The following PALMD variants were observed in gnomAD, a reference collection of about 807,000 sequenced individuals.
PALMD encodes the protein paralemmin-like protein.
Under a neutral mutation model 56.2 loss-of-function variants are expected in PALMD, and 42 were observed. That is an observed-to-expected ratio of 0.75 (90% CI 0.58 to 0.97). PALMD has a LOEUF of 0.97. Among genes scored for constraint, PALMD ranks in the 50% least tolerant of loss-of-function variants. The pLI is 0.00. For missense variants in PALMD, 660 were observed against 643.8 expected, an observed-to-expected ratio of 1.03 and a Z score of -0.27; for synonymous variants, 242 against 222.9, an observed-to-expected ratio of 1.09 and a Z score of -0.76.
rs143408211 is a variant in PALMD, at chr1:99,694,481, T to C, written c.*419T>C. On this transcript the variant is annotated 3_prime_UTR_variant, in exon 8 of 8. Transcript: ENST00000263174. ...CACAGAAGTATTCAACTCTGACAAA[T>C]AAATATGTCATCCTGAATTAATAAT... 2.4e-3 allele frequency: 383 copies of C among 156,500 alleles called. 1 individual carries two copies. The highest frequency in any genetic ancestry group is 8.9e-3 in the African/African-American group (369 of 41,594). The allele number at this position is 156,500 out of a possible 1,614,324, so 9.7% of individuals were successfully genotyped here. A position where few individuals can be genotyped will look rare whatever the true frequency, so the allele number is the denominator to read the frequency against.
chr1:99,686,864 GC>G, intron 4 of PALMD, 65 bp from the exon 5 acceptor site: 1 of 1,374,384 alleles, frequency 7.3e-7, no homozygotes, highest in Non-Finnish European at 1.0e-6. Flanking sequence ...ATTTTTCAAA[GC>G]ATATCCACAT....
chr1:99,657,976 C>T (rs1356807545), intron 1 of PALMD, among the ~76,000 whole-genome samples: 1 of 152,180 alleles, frequency 6.6e-6, no homozygotes, highest in African/African-American at 2.4e-5. Context: ...TTACTAATGC[C>T]TTAGCGATAA....
chr1:99,660,496 G>A (rs963414749), intron 1 of PALMD, among the ~76,000 whole-genome samples: 6 of 152,134 alleles, frequency 3.9e-5, no homozygotes, highest in Non-Finnish European at 8.8e-5. Context: ...TGAATTTAAA[G>A]TACAATTAAT....
At chr1:99,652,537 G>C (rs1458564601) in intron 1 of PALMD, among the ~76,000 whole-genome samples, 1 of 151,930 alleles carries the variant, frequency 6.6e-6, no homozygotes, top group East Asian at 1.9e-4. Context: ...CTGGGAGGCA[G>C]AGGTTGCAGT....
chr1:99,672,241 A>G (rs1316568090), intron 3 of PALMD, among the ~76,000 whole-genome samples: 2 of 152,140 alleles, frequency 1.3e-5, no homozygotes, highest in Non-Finnish European at 2.9e-5. Flanking sequence ...CTTTCAAACA[A>G]TATTGTGGAG....
intron 1 of PALMD, among the ~76,000 whole-genome samples, chr1:99,659,660 C>T (rs865917670): frequency 1.3e-5 from 2 of 152,208 alleles, no homozygotes; most frequent in African/African-American, 4.8e-5. Context: ...TTCTGCTATA[C>T]TGAAACTAAG....
intron 7 of PALMD, 135 bp from the exon 8 acceptor site, chr1:99,693,884 C>A: frequency 3.0e-6 from 2 of 656,508 alleles, no homozygotes; most frequent in Admixed American, 5.7e-5. Context: ...TTTTGTGCTA[C>A]TAAATCAATG....
chr1:99,667,313 C>A (rs1254817535), intron 2 of PALMD, among the ~76,000 whole-genome samples: 2 of 152,150 alleles, frequency 1.3e-5, no homozygotes, highest in African/African-American at 4.8e-5. Context: ...CTGTGATAAA[C>A]ACACAGTATG....
At chr1:99,687,002 T>A (rs764584184) in intron 5 of PALMD, 39 bp downstream of exon 5, 1 of 1,532,628 alleles carries the variant, frequency 6.5e-7, no homozygotes, top group East Asian at 2.3e-5. Flanking sequence ...TAAACTAAGT[T>A]TTTTTGGTAA....
At chr1:99,672,869 A>G (rs902764910) in intron 3 of PALMD, among the ~76,000 whole-genome samples, 3 of 152,074 alleles carry the variant, frequency 2.0e-5, no homozygotes, top group African/African-American at 4.8e-5. Flanking sequence ...TTTTTTTTTA[A>G]TACTCCAAAG....
chr1:99,671,520 G>C (rs896845752), intron 3 of PALMD, among the ~76,000 whole-genome samples: 2 of 152,184 alleles, frequency 1.3e-5, no homozygotes, highest in African/African-American at 4.8e-5. Flanking sequence ...GGTGAAATTA[G>C]AAGAACAACA....
chr1:99,686,792 T>A lies in PALMD; in HGVS notation c.366+2T>A. On this transcript the variant is annotated splice_donor_variant, in intron 4 of 7. Transcript: ENST00000263174. LOFTEE classifies it high-confidence loss of function. The stretch of plus-strand genomic sequence containing the variant: ...CGGACAACAGAAGACATTATAAGAG[T>A]GAGCATTAACCAATTTTAAAACTGT... 6.7e-7 allele frequency: 1 copy of A among 1,500,276 alleles called. No homozygotes were observed. The highest frequency in any genetic ancestry group is 9.2e-7 in the Non-Finnish European group (1 of 1,083,658). 92.9% of individuals were successfully genotyped at this position (1,500,276 alleles called of 1,614,324 possible).
At chr1:99,670,461 C>T (rs991352279) in intron 3 of PALMD, among the ~76,000 whole-genome samples, 1 of 152,156 alleles carries the variant, frequency 6.6e-6, no homozygotes, top group Non-Finnish European at 1.5e-5. Flanking sequence ...AAGAAAGTGA[C>T]TTAATTAAGG....
chr1:99,647,982 A>G lies in PALMD; in HGVS notation c.45+1620A>G, dbSNP rs572504088. On this transcript the variant is annotated intron_variant, in intron 1 of 7. Coordinates refer to ENST00000263174, the MANE Select transcript of PALMD (RefSeq NM_017734.5). ...CACTGAAGGTTCCAAACGCAAATAG[A>G]GACAGAAAATCCTCATAATGTCTTA... Among the ~76,000 whole-genome samples, 21 of 152,346 alleles carry G rather than the reference A, an allele frequency of 1.4e-4. No homozygotes were observed. In the South Asian group the frequency reaches 3.7e-3, roughly 27 times the overall value.
intron 7 of PALMD, among the ~76,000 whole-genome samples, chr1:99,690,416 A>G (rs1220609559): frequency 6.7e-6 from 1 of 148,558 alleles, no homozygotes. Context: ...ATAGAATGTT[A>G]GTTTATTTTA....
At chr1:99,674,554 G>A (rs1240085451) in intron 3 of PALMD, among the ~76,000 whole-genome samples, 1 of 151,238 alleles carries the variant, frequency 6.6e-6, no homozygotes, top group African/African-American at 2.4e-5. Flanking sequence ...TTGAGAACTT[G>A]CCATATGTAA....
Position 99,689,175 on chromosome 1 carries a change from G to A in PALMD, c.915G>A (p.Met305Ile). The A allele has an allele frequency of 6.2e-7, 1 of 1,613,430 alleles. No individual in the cohort carries two copies. Among genetic ancestry groups the A allele is most frequent in the South Asian group, 1.1e-5 (1 of 91,044 alleles). Residue 305 changes from methionine (M) to isoleucine (I), a missense_variant, in exon 7 of 8, where the codon ATG becomes ATA. Transcript: ENST00000263174. ...GTGTAAATGAATCCATACACAATAT[G>A]GGCAATGGTCTTTCAGAGGAAAGGG... The part of the protein sequence containing the change: ...GIGVNESIHN[M>I]GNGLSEERGN...
Position 99,689,674 on chromosome 1 carries a change from G to T in PALMD, c.1414G>T (p.Val472Leu), listed in dbSNP as rs1429526477. ...CCACCCCATAGCTCCCCATAGTCAG[G>T]TGTACCAGCCAGCCAAACCAACACC... is the stretch of plus-strand genomic sequence containing the variant. ...SYHPIAPHSQ[V>L]YQPAKPTPLP... Residue 472 changes from valine (V) to leucine (L), a missense_variant, in exon 7 of 8, where the codon GTG becomes TTG. Coordinates refer to ENST00000263174, the MANE Select transcript of PALMD (RefSeq NM_017734.5). The T allele has an allele frequency of 1.9e-6, 3 of 1,613,736 alleles. No individual in the cohort carries two copies. The highest frequency in any genetic ancestry group is 2.5e-6 in the Non-Finnish European group (3 of 1,179,840).
At position 99,694,069 on chromosome 1, in the gene PALMD, T is replaced by A. The variant is rs750891381; in HGVS notation, c.*7T>A. ...GGGAAAAAAGGTGATCTAAGAGTTG[T>A]ACCACCTATATAAACATCCTTTGAA... is the stretch of plus-strand genomic sequence containing the variant. On this transcript the variant is annotated 3_prime_UTR_variant, in exon 8 of 8. Transcript: ENST00000263174. 3 of 1,569,170 alleles carry A rather than the reference T, an allele frequency of 1.9e-6. No homozygotes were observed. The African/African-American group carries it at 4.1e-5, about 21-fold the overall frequency.
Sources: gnomAD v4.1 joint callset for allele counts (sites outside exome capture counted in the v4.1 genomes callset) on GRCh38, gnomAD v4.1.1 for gene constraint, MANE v1.5 for transcripts, NCBI Gene and HGNC (gene_info 2026-07-23, HGNC 2026-07-21) for gene names.